SLC15A5: variants seen among roughly 807,000 people sequenced by gnomAD.
SLC15A5 encodes solute carrier family 15 member 5.
In SLC15A5, 58 loss-of-function variants were observed where a neutral mutation model predicts 56.1. That is an observed-to-expected ratio of 1.03 (90% CI 0.84 to 1.29). SLC15A5 has a LOEUF of 1.29. SLC15A5 is among the 50% of genes most tolerant of loss of function. The pLI is 0.00. For missense variants in SLC15A5, 681 were observed against 672.1 expected (o/e 1.01, Z -0.15); for synonymous variants, 264 against 250.5 (o/e 1.05, Z -0.51).
intron 5 of SLC15A5, among the ~76,000 whole-genome samples, chr12:16,226,882 A>G (rs1864247264): frequency 6.6e-6 from 1 of 152,200 alleles, no homozygotes; most frequent in Non-Finnish European, 1.5e-5. Flanking sequence ...AGCTTGATGG[A>G]ATTTATTTGA....
At chr12:16,240,834 A>G (rs1362455105) in intron 4 of SLC15A5, among the ~76,000 whole-genome samples, 1 of 151,758 alleles carries the variant, frequency 6.6e-6, no homozygotes, top group Non-Finnish European at 1.5e-5. Flanking sequence ...TTTTTTTGAG[A>G]CAGAGTCTCG....
chr12:16,235,602 A>C lies in SLC15A5; in HGVS notation c.1162+4079T>G, dbSNP rs1384949695. ...TGTGCTTATATCAAACAAATGTGCAACCGAATGAATGACTTATTCAGGCTA... is the reference window on the plus strand; with the variant it reads ...TGTGCTTATATCAAACAAATGTGCACCCGAATGAATGACTTATTCAGGCTA... On this transcript the variant is annotated intron_variant, in intron 5 of 8. Transcript: ENST00000344941. The surrounding 1 kb of genome is among the most constrained non-coding windows in gnomAD (Gnocchi z 4.1). Among the ~76,000 whole-genome samples, 1 of 152,134 alleles carries C rather than the reference A, an allele frequency of 6.6e-6. No homozygotes were observed. The highest frequency in any genetic ancestry group is 2.4e-5 in the African/African-American group (1 of 41,456).
At chr12:16,220,608 T>C (rs1292843153) in intron 6 of SLC15A5, among the ~76,000 whole-genome samples, 1 of 152,218 alleles carries the variant, frequency 6.6e-6, no homozygotes, top group African/African-American at 2.4e-5. Context: ...TTATTATATG[T>C]TGTCTATGGC....
chr12:16,215,953 T>A (rs1245461954), intron 7 of SLC15A5, among the ~76,000 whole-genome samples: 1 of 152,208 alleles, frequency 6.6e-6, no homozygotes, highest in Admixed American at 6.5e-5. Flanking sequence ...AATGGGTCCT[T>A]GATAAATATT....
chr12:16,277,561 A>G lies in SLC15A5; in HGVS notation c.125T>C (p.Val42Ala), dbSNP rs1477291430. ...CSSHSVKKIQ[V>A]GICLLLVELC... ...CTCCACCAGAAGCAAGCAGATTCCA[A>G]CCTGAATTTTTTTCACAGAGTGTGA... The change falls in exon 1 of 9, where the codon GTT becomes GCT. Residue 42 changes from valine to alanine, a missense_variant. Val to Ala is a moderately conservative substitution (Grantham distance 64). Coordinates refer to ENST00000344941, the MANE Select transcript of SLC15A5 (RefSeq NM_001170798.1). 6.5e-7 allele frequency: 1 copy of G among 1,536,574 alleles called. No individual in the cohort carries two copies. Among genetic ancestry groups the G allele is most frequent in the Non-Finnish European group, 8.7e-7 (1 of 1,146,440 alleles).
intron 5 of SLC15A5, among the ~76,000 whole-genome samples, chr12:16,231,360 A>G (rs914771708): frequency 6.6e-6 from 1 of 152,220 alleles, no homozygotes; most frequent in African/African-American, 2.4e-5. Context: ...AGAGAAAACA[A>G]TGGTGGACAA....
At position 16,269,899 on chromosome 12, in the gene SLC15A5, C is replaced by A. The variant is rs1864733072; in HGVS notation, c.584+2662G>T. 6.6e-6 allele frequency among the ~76,000 whole-genome samples: 1 copy of A among 152,158 alleles called. No individual in the cohort carries two copies. The highest frequency in any genetic ancestry group is 2.4e-5 in the African/African-American group (1 of 41,456). ...AGGAACAGACTTCATTATCCTCCTT[C>A]TTTTTGCTTCCAGAAAAGAATCTGC... On this transcript the variant is annotated intron_variant, in intron 2 of 8. Coordinates refer to ENST00000344941, the MANE Select transcript of SLC15A5 (RefSeq NM_001170798.1). The surrounding 1 kb of genome is among the most constrained non-coding windows in gnomAD (Gnocchi z 4.7).
chr12:16,275,074 C>A (rs1864802335), intron 1 of SLC15A5, among the ~76,000 whole-genome samples: 2 of 151,966 alleles, frequency 1.3e-5, no homozygotes, highest in African/African-American at 4.8e-5. Context: ...TTGAGTCCAT[C>A]AGAGAAGTCA....
intron 4 of SLC15A5, among the ~76,000 whole-genome samples, chr12:16,242,416 C>T (rs774069680): frequency 2.4e-4 from 28 of 117,620 alleles, no homozygotes; most frequent in Non-Finnish European, 5.0e-4. Context: ...TAAAGCATGG[C>T]GCTTGACACT....
Position 16,216,883 on chromosome 12 carries a change from CT to C in SLC15A5, c.1483+9del. On this transcript the variant is annotated intron_variant, in intron 7 of 8. Coordinates refer to ENST00000344941, the MANE Select transcript of SLC15A5 (RefSeq NM_001170798.1). ...CAATGTATATAAGCATGCCACGAAC[CT>C]ATTTTTACCATCTGAGATGAGATAT... 6.5e-7 allele frequency: 1 copy of C among 1,533,678 alleles called. No homozygotes were observed. The highest frequency in any genetic ancestry group is 8.7e-7 in the Non-Finnish European group (1 of 1,145,472).
Position 16,272,591 on chromosome 12 carries a change from C to T in SLC15A5, c.554G>A (p.Gly185Glu). 2.0e-6 allele frequency: 3 copies of T among 1,536,846 alleles called. No individual in the cohort carries two copies. In the South Asian group the frequency reaches 3.6e-5, roughly 18 times the overall value. Residue 185 changes from glycine to glutamate, a missense_variant, in exon 2 of 9, where the codon GGA becomes GAA. By Grantham distance (98) the Gly-to-Glu change is moderately conservative. Transcript: ENST00000344941. ...PLGAFGLQEY[G>E]SQKTMSFFNW... ...AAAAAAAGACATCGTTTTTTGTGAT[C>T]CATACTCCTGAAGGCCAAAAGCACC...
intron 3 of SLC15A5, among the ~76,000 whole-genome samples, chr12:16,246,458 G>A (rs1038475168): frequency 3.3e-5 from 5 of 152,156 alleles, no homozygotes; most frequent in Non-Finnish European, 7.4e-5. Context: ...GAACAAGCCT[G>A]GGCTGGGTGG....
At chr12:16,244,353 A>C (rs753419532) in intron 4 of SLC15A5, among the ~76,000 whole-genome samples, 1 of 152,190 alleles carries the variant, frequency 6.6e-6, no homozygotes, top group Non-Finnish European at 1.5e-5. Context: ...ACAGACATTT[A>C]TAGCTCCACA....
intron 2 of SLC15A5, among the ~76,000 whole-genome samples, chr12:16,265,561 C>G (rs1315140424): frequency 6.6e-6 from 1 of 152,208 alleles, no homozygotes; most frequent in Non-Finnish European, 1.5e-5. Context: ...TCACTGCAGC[C>G]TTGATTTCTT....
At chr12:16,260,624 AATG>A (rs1864634049) in intron 2 of SLC15A5, among the ~76,000 whole-genome samples, 1 of 151,896 alleles carries the variant, frequency 6.6e-6, no homozygotes, top group Admixed American at 6.6e-5. Context: ...TCATTTTCTC[AATG>A]ATATCTTTTG....
chr12:16,213,026 C>CAG (rs76765674), intron 7 of SLC15A5, among the ~76,000 whole-genome samples: 1 of 151,306 alleles, frequency 6.6e-6, no homozygotes, highest in Non-Finnish European at 1.5e-5. Context: ...TGTTGGCATT[C>CAG]AGAGAGAGAG....
At chr12:16,259,897 C>CTGG (rs1864624104) in intron 2 of SLC15A5, among the ~76,000 whole-genome samples, 1 of 141,092 alleles carries the variant, frequency 7.1e-6, no homozygotes, top group Non-Finnish European at 1.6e-5. Context: ...TGACACCACC[C>CTGG]GGGCGGGGGG....
chr12:16,266,314 T>C (rs967557312), intron 2 of SLC15A5, among the ~76,000 whole-genome samples: 1 of 152,180 alleles, frequency 6.6e-6, no homozygotes, highest in African/African-American at 2.4e-5. Context: ...AGTTAAGCAT[T>C]GTTGAGAAAA....
intron 2 of SLC15A5, among the ~76,000 whole-genome samples, chr12:16,259,578 G>A (rs1326770281): frequency 2.0e-5 from 3 of 152,160 alleles, no homozygotes; most frequent in African/African-American, 7.2e-5. Context: ...GAGAAATTGG[G>A]CATCATATAC....
Sources: gnomAD v4.1 joint callset for allele counts (sites outside exome capture counted in the v4.1 genomes callset) on GRCh38, gnomAD v4.1.1 for gene constraint, Gnocchi (gnomAD v3.1) non-coding constraint, MANE v1.5 for transcripts, NCBI Gene and HGNC (gene_info 2026-07-23, HGNC 2026-07-21) for gene names.